PTPRK: variants seen among roughly 807,000 people sequenced by gnomAD.
PTPRK encodes receptor-type tyrosine-protein phosphatase kappa.
Under a neutral mutation model 178.0 loss-of-function variants are expected in PTPRK, and 75 were observed. That is an observed-to-expected ratio of 0.42 (90% CI 0.35 to 0.51). PTPRK has a LOEUF of 0.51. PTPRK is among the 20% of genes least tolerant of loss of function. The pLI is 0.02. For missense variants in PTPRK, 1,441 were observed against 1,797.8 expected (o/e 0.80, Z 3.59); for synonymous variants, 637 against 620.6 (o/e 1.03, Z -0.39).
At chr6:128,438,087 G>T (rs1329980752) in intron 1 of PTPRK, among the ~76,000 whole-genome samples, 7 of 152,204 alleles carry the variant, frequency 4.6e-5, no homozygotes, top group Non-Finnish European at 1.0e-4. Flanking sequence ...AAATATCCGG[G>T]TATATAAACG....
At position 128,520,489 on chromosome 6, in the gene PTPRK, T is replaced by C; in HGVS notation, c.-131A>G. Reference sequence around the variant, plus strand: ...TGAGAGGACAGCCGCCCGCCCGCCCTTTTTCCTTCTTCGCGGTCGCCAAAC... The same window carrying C: ...TGAGAGGACAGCCGCCCGCCCGCCCCTTTTCCTTCTTCGCGGTCGCCAAAC... On this transcript the variant is annotated 5_prime_UTR_variant, in exon 1 of 30. Transcript: ENST00000368226. 6 of 792,572 alleles carry C rather than the reference T, an allele frequency of 7.6e-6. No individual in the cohort carries two copies. The highest frequency in any genetic ancestry group is 1.0e-5 in the Non-Finnish European group (5 of 495,794). The allele number at this position is 792,572 out of a possible 1,614,324, so 49.1% of individuals were successfully genotyped here.
At chr6:128,467,976 T>C (rs902743702) in intron 1 of PTPRK, among the ~76,000 whole-genome samples, 3 of 152,310 alleles carry the variant, frequency 2.0e-5, no homozygotes, top group African/African-American at 4.8e-5. Flanking sequence ...ATAATCTAGA[T>C]ATAATCCTTT....
chr6:128,055,951 A>G lies in PTPRK; in HGVS notation c.2194+8807T>C, dbSNP rs151224539. On this transcript the variant is annotated intron_variant, in intron 13 of 29. Coordinates refer to ENST00000368226, the MANE Select transcript of PTPRK (RefSeq NM_002844.4). ...TCTGGCTCCCTTACCAGAAGTGTCC[A>G]TTATTCAGAACATAAGCGCTTTTTT... 4.7e-3 allele frequency among the ~76,000 whole-genome samples: 673 copies of G among 144,234 alleles called. 5 individuals carry two copies. The highest frequency in any genetic ancestry group is 0.017 in the African/African-American group (646 of 39,108). The allele number at this position is 144,234 out of a possible 152,430, so 94.6% of individuals were successfully genotyped here.
intron 13 of PTPRK, among the ~76,000 whole-genome samples, chr6:128,027,541 A>G (rs1225265985): frequency 6.6e-6 from 1 of 152,096 alleles, no homozygotes; most frequent in Non-Finnish European, 1.5e-5. Context: ...CTAAATGCCA[A>G]ACTCTTTTAA....
rs569284370 is a variant in PTPRK, at chr6:128,322,261, G to A, written c.273C>T (p.Ala91=). Reference sequence around the variant, plus strand: ...CCTTCATTGTAGGCAGCTGAAGTCTGGCTTTTTCTCCAGGGTCGTGATCTG... The same window carrying A: ...CCTTCATTGTAGGCAGCTGAAGTCTAGCTTTTTCTCCAGGGTCGTGATCTG... ...DSSDHDPGEK[A]RLQLPTMKEN... Residue 91 remains alanine (A), a synonymous_variant, in exon 3 of 30, where the codon GCC becomes GCT. Coordinates refer to ENST00000368226, the MANE Select transcript of PTPRK (RefSeq NM_002844.4). 1.1e-5 allele frequency: 18 copies of A among 1,610,448 alleles called. No homozygotes were observed. In the East Asian group the frequency reaches 3.1e-4, roughly 28 times the overall value.
At chr6:127,978,761 T>C (rs1774908869) in intron 25 of PTPRK, among the ~76,000 whole-genome samples, 1 of 152,164 alleles carries the variant, frequency 6.6e-6, no homozygotes, top group Non-Finnish European at 1.5e-5. Context: ...AGACTTCCTA[T>C]TCTTTTTCCC....
At chr6:128,366,311 C>T (rs1301597491) in intron 2 of PTPRK, among the ~76,000 whole-genome samples, 1 of 152,094 alleles carries the variant, frequency 6.6e-6, no homozygotes, top group African/African-American at 2.4e-5. Flanking sequence ...TCAACTAATA[C>T]AACAGATGTA....
At chr6:128,136,281 G>A (rs1795002446) in intron 7 of PTPRK, among the ~76,000 whole-genome samples, 1 of 152,132 alleles carries the variant, frequency 6.6e-6, no homozygotes. Context: ...ATCCTAGGCA[G>A]ACAAATACAT....
intron 3 of PTPRK, among the ~76,000 whole-genome samples, chr6:128,282,872 A>T (rs1310506210): frequency 6.6e-6 from 1 of 152,182 alleles, no homozygotes; most frequent in African/African-American, 2.4e-5. Context: ...AAGAGGCAAT[A>T]ATATAGCTAT....
chr6:128,464,659 A>ATG (rs1479684003), intron 1 of PTPRK, among the ~76,000 whole-genome samples: 13 of 108,224 alleles, frequency 1.2e-4, no homozygotes, highest in African/African-American at 4.5e-4. Flanking sequence ...ATATATATAT[A>ATG]TATATATATA....
intron 13 of PTPRK, among the ~76,000 whole-genome samples, chr6:128,025,550 C>G (rs1409209031): frequency 1.3e-5 from 2 of 152,194 alleles, no homozygotes; most frequent in Non-Finnish European, 1.5e-5. Flanking sequence ...ATTAGTTTCT[C>G]AAGGCCACTG....
At chr6:128,318,982 T>C (rs961857562) in intron 3 of PTPRK, among the ~76,000 whole-genome samples, 2 of 152,168 alleles carry the variant, frequency 1.3e-5, no homozygotes, top group African/African-American at 2.4e-5. Flanking sequence ...ATAATTAGTA[T>C]AGTAAGCTGA....
At chr6:128,464,590 TTTTAG>T (rs1178425233) in intron 1 of PTPRK, among the ~76,000 whole-genome samples, 1 of 141,380 alleles carries the variant, frequency 7.1e-6, no homozygotes, top group African/African-American at 2.6e-5. Context: ...AAAGCCTTTA[TTTTAG>T]TTTAAATATA....
At chr6:128,309,690 C>A (rs1826949806) in intron 3 of PTPRK, among the ~76,000 whole-genome samples, 1 of 152,068 alleles carries the variant, frequency 6.6e-6, no homozygotes, top group Non-Finnish European at 1.5e-5. Context: ...TGTTGTGTGG[C>A]CAGCTTGTAA....
intron 1 of PTPRK, among the ~76,000 whole-genome samples, chr6:128,496,073 C>G (rs1020518908): frequency 2.0e-5 from 3 of 152,176 alleles, no homozygotes; most frequent in Non-Finnish European, 4.4e-5. Context: ...ATATGTTTCA[C>G]ATCCATCTAC....
chr6:128,122,741 G>A (rs1157360434), intron 7 of PTPRK, among the ~76,000 whole-genome samples: 1 of 152,136 alleles, frequency 6.6e-6, no homozygotes, highest in Non-Finnish European at 1.5e-5. Flanking sequence ...AATTAAAAGA[G>A]AATATATGTA....
At chr6:128,244,339 G>A (rs147789806) in intron 3 of PTPRK, among the ~76,000 whole-genome samples, 4 of 152,086 alleles carry the variant, frequency 2.6e-5, no homozygotes, top group East Asian at 1.9e-4. Context: ...GGGAATAAGC[G>A]ACTAATTTGA....
chr6:128,000,530 C>T (rs1777706564), intron 15 of PTPRK, among the ~76,000 whole-genome samples: 1 of 151,956 alleles, frequency 6.6e-6, no homozygotes, highest in African/African-American at 2.4e-5. Context: ...ATGTCTTTTA[C>T]TCAGATTTTG....
chr6:128,321,116 T>C (rs1327058347), intron 3 of PTPRK: 3 of 152,186 alleles, frequency 2.0e-5, no homozygotes, highest in African/African-American at 7.2e-5. Flanking sequence ...TAATTCATTT[T>C]TAAAAGGCAG....
Sources: gnomAD v4.1 joint callset for allele counts (sites outside exome capture counted in the v4.1 genomes callset) on GRCh38, gnomAD v4.1.1 for gene constraint, MANE v1.5 for transcripts, NCBI Gene and HGNC (gene_info 2026-07-23, HGNC 2026-07-21) for gene names.